The following NKAIN2 variants were observed in gnomAD, a reference collection of about 807,000 sequenced individuals.
The protein encoded by NKAIN2 is sodium/potassium-transporting ATPase subunit beta-1-interacting protein 2.
In NKAIN2, 14 loss-of-function variants were observed where a neutral mutation model predicts 32.6. The ratio of observed to expected loss-of-function variants is 0.43; its 90% confidence interval spans 0.28 to 0.67. NKAIN2 has a LOEUF of 0.67. NKAIN2 is among the 30% of genes least tolerant of loss of function. The pLI is 0.17. For missense variants in NKAIN2, 198 were observed against 258.3 expected, an observed-to-expected ratio of 0.77 and a Z score of 1.60; for synonymous variants, 80 against 87.2, an observed-to-expected ratio of 0.92 and a Z score of 0.46.
chr6:124,479,988 GTC>G, intron 3 of NKAIN2, among the ~76,000 whole-genome samples: 1 of 152,176 alleles, frequency 6.6e-6, no homozygotes, highest in African/African-American at 2.4e-5. Flanking sequence ...AATCACAGCT[GTC>G]CAATGCCAAG....
chr6:124,635,074 A>G (rs533418141), intron 3 of NKAIN2, among the ~76,000 whole-genome samples: 2 of 148,646 alleles, frequency 1.3e-5, no homozygotes, highest in Non-Finnish European at 2.9e-5. Flanking sequence ...AAAGAGAAAA[A>G]AGACAAAGAA....
At chr6:124,226,517 C>A (rs1792119741) in intron 1 of NKAIN2, among the ~76,000 whole-genome samples, 1 of 151,974 alleles carries the variant, frequency 6.6e-6, no homozygotes, top group Admixed American at 6.6e-5. Context: ...TGAATCACCA[C>A]CAATGTCAAA....
intron 4 of NKAIN2, among the ~76,000 whole-genome samples, chr6:124,721,366 A>T (rs1409136686): frequency 3.3e-5 from 5 of 149,756 alleles, no homozygotes; most frequent in African/African-American, 9.8e-5. Flanking sequence ...ATCGCGCCAC[A>T]GCACTCCCGC....
chr6:124,246,480 C>A (rs982700099), intron 1 of NKAIN2, among the ~76,000 whole-genome samples: 2 of 152,042 alleles, frequency 1.3e-5, no homozygotes, highest in Admixed American at 6.6e-5. Context: ...CCCAGCCTAC[C>A]TCCACAACTC....
chr6:124,362,029 A>G (rs1274984192), intron 3 of NKAIN2, among the ~76,000 whole-genome samples: 1 of 152,090 alleles, frequency 6.6e-6, no homozygotes, highest in Non-Finnish European at 1.5e-5. Flanking sequence ...TTTTATTTGA[A>G]AAAATAACTC....
intron 3 of NKAIN2, among the ~76,000 whole-genome samples, chr6:124,372,140 C>G (rs1799797751): frequency 6.6e-6 from 1 of 151,994 alleles, no homozygotes; most frequent in Admixed American, 6.6e-5. Flanking sequence ...AAAAAGCTCT[C>G]ATGACAAAAT....
At chr6:124,786,492 T>A (rs1381346591) in intron 4 of NKAIN2, among the ~76,000 whole-genome samples, 1 of 152,156 alleles carries the variant, frequency 6.6e-6, no homozygotes, top group Admixed American at 6.6e-5. Context: ...TTCTATTAGC[T>A]TCTAAGTGAA....
At chr6:123,853,373 G>A (rs976349101) in intron 1 of NKAIN2, among the ~76,000 whole-genome samples, 1 of 152,114 alleles carries the variant, frequency 6.6e-6, no homozygotes, top group Non-Finnish European at 1.5e-5. Flanking sequence ...TCTCTTTGGC[G>A]TGCAGCCCAA....
intron 3 of NKAIN2, among the ~76,000 whole-genome samples, chr6:124,457,367 AGTG>A (rs1190482349): frequency 3.9e-5 from 6 of 151,974 alleles, no homozygotes; most frequent in Non-Finnish European, 8.8e-5. Flanking sequence ...AAGCTAAAGT[AGTG>A]GTATGTGTGT....
intron 2 of NKAIN2, among the ~76,000 whole-genome samples, chr6:124,348,875 A>T (rs1444559321): frequency 6.6e-6 from 1 of 152,090 alleles, no homozygotes; most frequent in Non-Finnish European, 1.5e-5. Context: ...ACACCTGGAA[A>T]ATCGGGTCAC....
intron 3 of NKAIN2, among the ~76,000 whole-genome samples, chr6:124,588,164 A>C (rs1781777202): frequency 6.6e-6 from 1 of 152,178 alleles, no homozygotes; most frequent in Non-Finnish European, 1.5e-5. Context: ...TGTCTGTTTA[A>C]TTATTGATGC....
chr6:124,295,040 A>C (rs1252216115), intron 2 of NKAIN2, among the ~76,000 whole-genome samples: 1 of 152,192 alleles, frequency 6.6e-6, no homozygotes, highest in Non-Finnish European at 1.5e-5. Flanking sequence ...ATGTGTGTAC[A>C]CAAAGATTTC....
chr6:124,125,607 TG>T (rs1786124436), intron 1 of NKAIN2, among the ~76,000 whole-genome samples: 1 of 152,186 alleles, frequency 6.6e-6, no homozygotes, highest in Non-Finnish European at 1.5e-5. Flanking sequence ...TTTAATTAAA[TG>T]TTGTAATAAA....
chr6:124,667,957 TTC>T (rs1772888489), intron 4 of NKAIN2, among the ~76,000 whole-genome samples: 1 of 152,108 alleles, frequency 6.6e-6, no homozygotes, highest in Non-Finnish European at 1.5e-5. Flanking sequence ...CCACACATTC[TTC>T]TATATAACAA....
At chr6:123,860,593 T>C (rs1026926921) in intron 1 of NKAIN2, among the ~76,000 whole-genome samples, 1 of 152,132 alleles carries the variant, frequency 6.6e-6, no homozygotes, top group African/African-American at 2.4e-5. Context: ...GTATTACTTG[T>C]AGAGATGTGA....
At chr6:124,283,577 A>G (rs541181778) in intron 2 of NKAIN2, among the ~76,000 whole-genome samples, 4 of 152,334 alleles carry the variant, frequency 2.6e-5, no homozygotes, top group Admixed American at 2.0e-4. Flanking sequence ...ATTAGGGCTA[A>G]TATTTGGCGT....
chr6:124,775,491 T>C (rs1167539876), intron 4 of NKAIN2, among the ~76,000 whole-genome samples: 1 of 152,236 alleles, frequency 6.6e-6, no homozygotes, highest in Non-Finnish European at 1.5e-5. Flanking sequence ...ATTCAAGTTC[T>C]GAATTAATTA....
chr6:124,801,478 C>T (rs1780252515), intron 5 of NKAIN2, among the ~76,000 whole-genome samples: 1 of 152,282 alleles, frequency 6.6e-6, no homozygotes, highest in Non-Finnish European at 1.5e-5. Flanking sequence ...GGGAGCAGAA[C>T]ATCGCTGTCA....
intron 1 of NKAIN2, among the ~76,000 whole-genome samples, chr6:123,962,478 T>C (rs575940264): frequency 6.6e-6 from 1 of 152,326 alleles, no homozygotes; most frequent in East Asian, 1.9e-4. Flanking sequence ...ATATTTTCAA[T>C]TGCTGATGCC....
Sources: gnomAD v4.1 joint callset for allele counts (sites outside exome capture counted in the v4.1 genomes callset) on GRCh38, gnomAD v4.1.1 for gene constraint, MANE v1.5 for transcripts, NCBI Gene and HGNC (gene_info 2026-07-23, HGNC 2026-07-21) for gene names.